Variants in PRKDC observed in about 807,000 individuals in gnomAD.
PRKDC encodes the protein protein kinase, DNA-activated, catalytic subunit.
PRKDC carries 82 observed loss-of-function variants against 486.9 expected under a neutral mutation model. The observed-to-expected ratio is 0.17, with a 90% CI of 0.14 to 0.20. The LOEUF is 0.20. Ranked by LOEUF, PRKDC falls within the 10% of genes least tolerant of loss-of-function variation. The pLI is 1.00. For synonymous variants in PRKDC, 1,895 were observed against 1,837.0 expected (o/e 1.03, Z -0.81); for missense variants, 4,504 against 5,038.2 (o/e 0.89, Z 3.21).
At chr8:47,786,105 C>CAAAT (rs1017020966) in intron 76 of PRKDC, among the ~76,000 whole-genome samples, 5 of 149,564 alleles carry the variant, frequency 3.3e-5, no homozygotes, top group African/African-American at 4.9e-5. Flanking sequence ...GACTCCACCT[C>CAAAT]AAATAAATAA....
chr8:47,805,767 C>G (rs1360409908), intron 69 of PRKDC, among the ~76,000 whole-genome samples: 1 of 152,138 alleles, frequency 6.6e-6, no homozygotes, highest in African/African-American at 2.4e-5. Flanking sequence ...GCCATTTCAA[C>G]CGCCCAGGCT....
At chr8:47,841,274 T>C (rs1178283650) in intron 54 of PRKDC, among the ~76,000 whole-genome samples, 2 of 152,150 alleles carry the variant, frequency 1.3e-5, no homozygotes, top group Non-Finnish European at 2.9e-5. Flanking sequence ...CTCCAGCAAA[T>C]GCAACCCCAG....
intron 24 of PRKDC, 62 bp downstream of exon 24, chr8:47,913,839 A>G: frequency 1.4e-6 from 2 of 1,424,562 alleles, no homozygotes; most frequent in Non-Finnish European, 1.9e-6. Flanking sequence ...CTATATCCTA[A>G]GCAATATGTA....
At chr8:47,873,792 G>A (rs2089019121) in intron 40 of PRKDC, among the ~76,000 whole-genome samples, 2 of 152,040 alleles carry the variant, frequency 1.3e-5, no homozygotes, top group Non-Finnish European at 2.9e-5. Context: ...CTTACTTGTG[G>A]CATCCAAAAA....
At chr8:47,943,701 C>T (rs933247187) in intron 9 of PRKDC, among the ~76,000 whole-genome samples, 152 bp downstream of exon 9, 1 of 152,234 alleles carries the variant, frequency 6.6e-6, no homozygotes, top group Non-Finnish European at 1.5e-5. Context: ...CCAGAGCTTA[C>T]TAAGTCACCG....
chr8:47,780,213 C>A (rs1389133896), intron 80 of PRKDC, among the ~76,000 whole-genome samples: 1 of 152,208 alleles, frequency 6.6e-6, no homozygotes, highest in Non-Finnish European at 1.5e-5. Context: ...CTGCGCCCAG[C>A]CAGTGCCACA....
chr8:47,957,208 A>C lies in PRKDC; in HGVS notation c.287T>G (p.Met96Arg). ...LKFLCIFLEK[M>R]GQKIAPYSVE... ...AGAGTAAGGTGCGATCTTCTGGCCCATTTTTTCTAAGAAAATACATAAAAA... is the reference window on the plus strand; with the variant it reads ...AGAGTAAGGTGCGATCTTCTGGCCCCTTTTTTCTAAGAAAATACATAAAAA... Residue 96 changes from methionine (M) to arginine (R), a missense_variant, in exon 3 of 86, where the codon ATG becomes AGG. Physicochemically the swap from Met to Arg is moderately conservative, Grantham distance 91 (BLOSUM62 -1). Transcript: ENST00000314191. 1 of 1,600,654 alleles carries C rather than the reference A, an allele frequency of 6.2e-7. No homozygotes were observed. Among genetic ancestry groups the C allele is most frequent in the Non-Finnish European group, 8.5e-7 (1 of 1,170,134 alleles).
At chr8:47,886,429 G>T (rs1046419257) in intron 35 of PRKDC, among the ~76,000 whole-genome samples, 48 of 152,214 alleles carry the variant, frequency 3.2e-4, no homozygotes, top group African/African-American at 1.1e-3. Context: ...TCGCTCTGTT[G>T]CCCAGGCTGG....
chr8:47,875,699 C>T (rs964091025), intron 40 of PRKDC, among the ~76,000 whole-genome samples: 2 of 152,178 alleles, frequency 1.3e-5, no homozygotes, highest in African/African-American at 2.4e-5. Context: ...TATTTACAAA[C>T]ATTTTCAGAT....
Position 47,823,983 on chromosome 8 carries a change from T to C in PRKDC, c.8797A>G (p.Ile2933Val), listed in dbSNP as rs773169302. Reference protein sequence around the residue: ...WVELAKLYRSIGEYDVLRGIF... With the variant: ...WVELAKLYRSVGEYDVLRGIF... ...CCACGGAGGACGTCGTATTCTCCAA[T>C]TGATCTATACAGCCTACAAAACAAA... Residue 2933 changes from isoleucine (I) to valine (V), a missense_variant, in exon 64 of 86, where the codon ATT becomes GTT. By Grantham distance (29) the Ile-to-Val change is conservative. Coordinates refer to ENST00000314191, the MANE Select transcript of PRKDC (RefSeq NM_006904.7). 5 of 1,612,866 alleles carry C rather than the reference T, an allele frequency of 3.1e-6. No individual in the cohort carries two copies. Among genetic ancestry groups the C allele is most frequent in the South Asian group, 1.1e-5 (1 of 90,924 alleles).
At chr8:47,817,749 T>C (rs2087481335) in intron 67 of PRKDC, among the ~76,000 whole-genome samples, 188 bp from the exon 68 acceptor site, 1 of 152,240 alleles carries the variant, frequency 6.6e-6, no homozygotes, top group Non-Finnish European at 1.5e-5. Context: ...CTCAATTGCT[T>C]AAGGACAGAG....
At position 47,889,170 on chromosome 8, in the gene PRKDC, G is replaced by A. The variant is rs201150235; in HGVS notation, c.4124C>T (p.Thr1375Met). The change falls in exon 33 of 86, where the codon ACG (threonine) becomes ATG (methionine). Residue 1375 changes from threonine to methionine, a missense_variant. Transcript: ENST00000314191. ...ACCTATGCTTGCGGGCTCACACAGC[G>A]TCTGCACCAGGACTCTCATCAGGTG... ...NTHLMRVLVQTLCEPASIGFN... is the reference protein window; with the variant it reads ...NTHLMRVLVQMLCEPASIGFN... The A allele has an allele frequency of 9.2e-5, 149 of 1,613,842 alleles. No homozygotes were observed. The highest frequency in any genetic ancestry group is 1.1e-4 in the Non-Finnish European group (132 of 1,179,886).
At chr8:47,794,650 G>A (rs937140713) in intron 73 of PRKDC, 149 bp from the exon 74 acceptor site, 11 of 663,172 alleles carry the variant, frequency 1.7e-5, no homozygotes, top group African/African-American at 5.4e-5. Flanking sequence ...CTTCTGCTGC[G>A]GCAACCACTG....
chr8:47,924,793 G>A (rs991332940), intron 21 of PRKDC, among the ~76,000 whole-genome samples: 2 of 152,070 alleles, frequency 1.3e-5, no homozygotes, highest in Non-Finnish European at 2.9e-5. Flanking sequence ...AGAGGGAGAC[G>A]GAGGACCATG....
Position 47,782,514 on chromosome 8 carries a change from C to T in PRKDC, c.11260G>A (p.Gly3754Ser), listed in dbSNP as rs775003870. 6.3e-7 allele frequency: 1 copy of T among 1,577,396 alleles called. No homozygotes were observed. ...DEREHPFLVK[G>S]GEDLRQDQRV... Reference sequence around the variant, plus strand: ...TGGTCCTGCCGCAGGTCCTCGCCACCCTTCACCAGGAAAGGGTGTTCCCTC... The same window carrying T: ...TGGTCCTGCCGCAGGTCCTCGCCACTCTTCACCAGGAAAGGGTGTTCCCTC... The change falls in exon 79 of 86, where the codon GGT becomes AGT. Residue 3754 changes from glycine (G) to serine (S), a missense_variant. Gly to Ser is a moderately conservative substitution (Grantham distance 56). Around this residue, in one of 6 missense-constraint regions of PRKDC, gnomAD observed 706 missense variants for 945.0 expected, o/e 0.75. Transcript: ENST00000314191. The surrounding 1 kb of genome is among the most constrained non-coding windows in gnomAD (Gnocchi z 4.9).
intron 63 of PRKDC, among the ~76,000 whole-genome samples, chr8:47,825,104 C>T (rs1387507706): frequency 6.6e-6 from 1 of 152,010 alleles, no homozygotes; most frequent in Non-Finnish European, 1.5e-5. Context: ...AGCTCATGGC[C>T]CCAGAGTCAG....
At chr8:47,858,810 G>A in intron 47 of PRKDC, 39 bp downstream of exon 47, 1 of 1,587,540 alleles carries the variant, frequency 6.3e-7, no homozygotes, top group Non-Finnish European at 8.6e-7. Context: ...TGACACCAAT[G>A]AATATAGTAT....
At chr8:47,868,719 T>A (rs1248593683) in intron 40 of PRKDC, among the ~76,000 whole-genome samples, 1 of 152,114 alleles carries the variant, frequency 6.6e-6, no homozygotes, top group East Asian at 1.9e-4. Context: ...AAAAATCAGG[T>A]GAGTGATCAT....
intron 29 of PRKDC, 91 bp downstream of exon 29, chr8:47,898,359 TTAGGAAGTAATTCCTTATAC>T: frequency 4.7e-6 from 4 of 855,076 alleles, no homozygotes; most frequent in African/African-American, 1.7e-5. Flanking sequence ...CATTCCTTGT[TTAGGAAGTAATTCCTTATAC>T]TTCCACAGAT....
Sources: gnomAD v4.1 joint callset for allele counts (sites outside exome capture counted in the v4.1 genomes callset) on GRCh38, gnomAD v4.1.1 for gene constraint, gnomAD v4.1.1 regional missense constraint, Gnocchi (gnomAD v3.1) non-coding constraint, MANE v1.5 for transcripts, NCBI Gene and HGNC (gene_info 2026-07-23, HGNC 2026-07-21) for gene names.